Variants in XYLT1 observed in about 807,000 individuals in gnomAD.
XYLT1 encodes xylosyltransferase 1.
A neutral mutation model predicts 91.3 loss-of-function variants in XYLT1; 36 were observed. The ratio of observed to expected loss-of-function variants is 0.39; its 90% CI spans 0.30 to 0.52. XYLT1 has a LOEUF of 0.52. Ranked by LOEUF, XYLT1 falls within the 20% of genes least tolerant of loss-of-function variation. The pLI is 0.68. For missense variants in XYLT1, 1,242 were observed against 1,284.5 expected (o/e 0.97, Z 0.51); for synonymous variants, 588 against 532.0 (o/e 1.11, Z -1.45).
At chr16:17,124,718 T>G (rs749872906) in intron 10 of XYLT1, among the ~76,000 whole-genome samples, 1 of 152,226 alleles carries the variant, frequency 6.6e-6, no homozygotes. Flanking sequence ...CTCTTCTTCC[T>G]CAGGAACGCC....
chr16:17,410,967 A>G (rs2036100287), intron 1 of XYLT1, among the ~76,000 whole-genome samples: 1 of 152,152 alleles, frequency 6.6e-6, no homozygotes, highest in Admixed American at 6.6e-5. Context: ...CATTAGCACC[A>G]GGCTTCTTGC....
At position 17,102,543 on chromosome 16, in the gene XYLT1, A is replaced by G. The variant is rs1966718579; in HGVS notation, c.*6152T>C. 1 of 152,620 alleles carries G rather than the reference A, an allele frequency of 6.6e-6. No homozygotes were observed. Among genetic ancestry groups the G allele is most frequent in the Non-Finnish European group, 1.5e-5 (1 of 68,036 alleles). The allele number at this position is 152,620 out of a possible 1,614,324, so 9.5% of individuals were successfully genotyped here. A position where few individuals can be genotyped will look rare whatever the true frequency, so the allele number is the denominator to read the frequency against. On this transcript the variant is annotated 3_prime_UTR_variant, in exon 12 of 12. Coordinates refer to ENST00000261381, the MANE Select transcript of XYLT1 (RefSeq NM_022166.4). Reference sequence around the variant, plus strand: ...TTTTGTTGTTGTTGTTGTTCTGCAAAATAAAAAGACAGAAAAGGTGCAAAA... The same window carrying G: ...TTTTGTTGTTGTTGTTGTTCTGCAAGATAAAAAGACAGAAAAGGTGCAAAA...
chr16:17,351,754 G>GGGGC (rs1016888152), intron 2 of XYLT1, among the ~76,000 whole-genome samples: 4 of 149,524 alleles, frequency 2.7e-5, no homozygotes, highest in Non-Finnish European at 4.4e-5. Context: ...TTTTTTGGGG[G>GGGGC]GGGGTGCTTT....
intron 4 of XYLT1, 78 bp from the exon 5 acceptor site, chr16:17,198,492 CTCTG>C: frequency 2.1e-6 from 3 of 1,436,324 alleles, no homozygotes; most frequent in Non-Finnish European, 2.8e-6. Context: ...CCTGTCCCCT[CTCTG>C]TGTCTTCCCT....
At chr16:17,373,680 T>C (rs1182313539) in intron 1 of XYLT1, among the ~76,000 whole-genome samples, 1 of 152,214 alleles carries the variant, frequency 6.6e-6, no homozygotes, top group Non-Finnish European at 1.5e-5. Flanking sequence ...CCTTAAGGAA[T>C]GGACTCCTAT....
intron 1 of XYLT1, among the ~76,000 whole-genome samples, chr16:17,428,453 G>A (rs2036345590): frequency 6.6e-6 from 1 of 152,124 alleles, no homozygotes; most frequent in Non-Finnish European, 1.5e-5. Flanking sequence ...CAGGCTGAGG[G>A]GCTGTTGAGA....
intron 1 of XYLT1, among the ~76,000 whole-genome samples, chr16:17,434,477 TAAGAA>T (rs2036428873): frequency 6.6e-6 from 1 of 152,156 alleles, no homozygotes; most frequent in Non-Finnish European, 1.5e-5. Context: ...AAACAATTAT[TAAGAA>T]AAGTGAGCTA....
intron 3 of XYLT1, among the ~76,000 whole-genome samples, chr16:17,240,443 G>C (rs1363630468): frequency 6.6e-6 from 1 of 152,162 alleles, no homozygotes; most frequent in Non-Finnish European, 1.5e-5. Flanking sequence ...AGATTCACTT[G>C]GGAGAGGCAG....
intron 2 of XYLT1, among the ~76,000 whole-genome samples, chr16:17,279,163 G>A (rs1341944210): frequency 6.6e-6 from 1 of 152,146 alleles, no homozygotes; most frequent in Admixed American, 6.5e-5. Context: ...AGGCAGCGCG[G>A]CTCTGTGATC....
chr16:17,337,501 T>C (rs1320879254), intron 2 of XYLT1, among the ~76,000 whole-genome samples: 3 of 152,044 alleles, frequency 2.0e-5, no homozygotes, highest in Middle Eastern at 3.4e-3. Flanking sequence ...GAACCTTTAA[T>C]TGAACTTGCA....
chr16:17,268,184 A>G (rs575716933), intron 2 of XYLT1, among the ~76,000 whole-genome samples: 2 of 152,208 alleles, frequency 1.3e-5, no homozygotes, highest in Non-Finnish European at 2.9e-5. Flanking sequence ...AAATGTGAGA[A>G]TCTAGCTATC....
At chr16:17,469,658 G>A (rs1329192353) in intron 1 of XYLT1, among the ~76,000 whole-genome samples, 5 of 152,232 alleles carry the variant, frequency 3.3e-5, no homozygotes, top group Non-Finnish European at 5.9e-5. Context: ...TCCCATAGGA[G>A]TGGAAGCCCT....
chr16:17,282,962 C>T (rs2034079348), intron 2 of XYLT1, among the ~76,000 whole-genome samples: 1 of 151,756 alleles, frequency 6.6e-6, no homozygotes, highest in South Asian at 2.1e-4. Context: ...AATAAGTCAC[C>T]CCCCCCAAGT....
intron 1 of XYLT1, among the ~76,000 whole-genome samples, chr16:17,467,529 C>G (rs1221118318): frequency 6.6e-6 from 1 of 152,178 alleles, no homozygotes; most frequent in African/African-American, 2.4e-5. Context: ...TATTTAAGAG[C>G]TTTAAAAGAG....
At chr16:17,207,963 T>A (rs2032686394) in intron 3 of XYLT1, among the ~76,000 whole-genome samples, 1 of 152,082 alleles carries the variant, frequency 6.6e-6, no homozygotes, top group African/African-American at 2.4e-5. Flanking sequence ...TCCCTTCATT[T>A]AAAAAATATT....
chr16:17,370,319 C>T lies in XYLT1; in HGVS notation c.364-12269G>A, dbSNP rs575519696. On this transcript the variant is annotated intron_variant, in intron 1 of 11. Transcript: ENST00000261381. Reference sequence around the variant, plus strand: ...TGTGCTAAGTCCCATTTGGCGGATCCAAAGCTTACAACGATCCGCTTTCAT... The same window carrying T: ...TGTGCTAAGTCCCATTTGGCGGATCTAAAGCTTACAACGATCCGCTTTCAT... 5.9e-4 allele frequency among the ~76,000 whole-genome samples: 90 copies of T among 152,314 alleles called. 1 individual carries two copies. The highest frequency in any genetic ancestry group is 1.2e-3 in the Non-Finnish European group (79 of 68,038).
At position 17,103,050 on chromosome 16, in the gene XYLT1, G is replaced by C. The variant is rs185061807; in HGVS notation, c.*5645C>G. On this transcript the variant is annotated 3_prime_UTR_variant, in exon 12 of 12. Transcript: ENST00000261381. Reference sequence around the variant, plus strand: ...CTGGGGTTGTCTTTGGCCTCCATCAGCACTGGAGCAATGGAAGGGTAAAGA... The same window carrying C: ...CTGGGGTTGTCTTTGGCCTCCATCACCACTGGAGCAATGGAAGGGTAAAGA... The C allele has an allele frequency of 1.3e-5, 2 of 152,728 alleles. No individual in the cohort carries two copies. Among genetic ancestry groups the C allele is most frequent in the Admixed American group, 1.3e-4 (2 of 15,292 alleles). The allele number at this position is 152,728 out of a possible 1,614,324, so 9.5% of individuals were successfully genotyped here.
At chr16:17,131,124 A>C (rs532667505) in intron 9 of XYLT1, among the ~76,000 whole-genome samples, 1 of 152,310 alleles carries the variant, frequency 6.6e-6, no homozygotes, top group Non-Finnish European at 1.5e-5. Flanking sequence ...ACACAGGCTG[A>C]CACACGATAG....
At chr16:17,156,533 A>G (rs913948503) in intron 6 of XYLT1, among the ~76,000 whole-genome samples, 1 of 152,252 alleles carries the variant, frequency 6.6e-6, no homozygotes, top group Admixed American at 6.5e-5. Flanking sequence ...GGCCAGAAAA[A>G]CTTGGGTTCA....
Sources: allele counts gnomAD v4.1 joint callset (sites outside exome capture counted in the v4.1 genomes callset), GRCh38; gene constraint gnomAD v4.1.1; transcripts MANE v1.5; gene names NCBI Gene and HGNC (gene_info 2026-07-23, HGNC 2026-07-21).